Variants in PCNX2 observed in about 807,000 individuals in gnomAD.
PCNX2 encodes pecanex-like protein 2.
PCNX2 carries 168 observed loss-of-function variants against 223.8 expected under a neutral mutation model. The ratio of observed to expected loss-of-function variants is 0.75; its 90% CI spans 0.66 to 0.85. The LOEUF is 0.85. Among genes scored for constraint, PCNX2 ranks in the 40% least tolerant of loss-of-function variants. PCNX2 has a pLI of 0.00. For synonymous variants in PCNX2, 1,006 were observed against 1,052.6 expected, an observed-to-expected ratio of 0.96 and a Z score of 0.86; for missense variants, 2,507 against 2,675.5, an observed-to-expected ratio of 0.94 and a Z score of 1.39.
At chr1:233,004,702 G>A (rs368397075) in intron 28 of PCNX2, among the ~76,000 whole-genome samples, 2 of 152,140 alleles carry the variant, frequency 1.3e-5, no homozygotes, top group East Asian at 1.9e-4. Flanking sequence ...TCAACACAGC[G>A]CATTAGACCT....
At chr1:233,283,971 G>A (rs1291061865) in intron 1 of PCNX2, among the ~76,000 whole-genome samples, 2 of 152,184 alleles carry the variant, frequency 1.3e-5, no homozygotes, top group Non-Finnish European at 2.9e-5. Flanking sequence ...GGGTTGGGGA[G>A]AGGTGGGAGA....
At chr1:233,257,354 A>G (rs1208403094) in intron 5 of PCNX2, among the ~76,000 whole-genome samples, 2 of 152,186 alleles carry the variant, frequency 1.3e-5, no homozygotes, top group African/African-American at 4.8e-5. Context: ...TATAAGGAGT[A>G]AGTGAGTTAA....
chr1:233,133,419 G>A (rs1676620482), intron 21 of PCNX2, among the ~76,000 whole-genome samples: 1 of 152,156 alleles, frequency 6.6e-6, no homozygotes, highest in Non-Finnish European at 1.5e-5. Flanking sequence ...TCAGCAAACA[G>A]GAAATAAATG....
In PCNX2 at chr1:233,022,145, G is replaced by A. The variant is rs111983439; in HGVS notation, c.4605+3001C>T. Among the ~76,000 whole-genome samples the A allele has an allele frequency of 6.6e-3, 1,009 of 152,226 alleles. 15 individuals carry two copies. Among genetic ancestry groups the A allele is most frequent in the African/African-American group, 0.021 (870 of 41,544 alleles). On this transcript the variant is annotated intron_variant, in intron 26 of 33. Coordinates refer to ENST00000258229, the MANE Select transcript of PCNX2 (RefSeq NM_014801.4). Reference sequence around the variant, plus strand: ...CATGGAAAGGCAGGGATGTGGCTCAGTATTGAACCCCAGTCCCACTACTCG... The same window carrying A: ...CATGGAAAGGCAGGGATGTGGCTCAATATTGAACCCCAGTCCCACTACTCG...
intron 25 of PCNX2, among the ~76,000 whole-genome samples, chr1:233,046,368 C>T (rs910520230): frequency 4.6e-5 from 7 of 152,112 alleles, no homozygotes; most frequent in Non-Finnish European, 8.8e-5. Context: ...TAAAACAGAC[C>T]TTCCCTAGGA....
At chr1:233,197,385 A>C (rs1680798246) in intron 15 of PCNX2, among the ~76,000 whole-genome samples, 1 of 152,186 alleles carries the variant, frequency 6.6e-6, no homozygotes, top group African/African-American at 2.4e-5. Flanking sequence ...AGACAGTGGA[A>C]AGATGTTCTC....
intron 33 of PCNX2, 137 bp from the exon 34 acceptor site, chr1:232,984,614 G>A: frequency 2.1e-6 from 2 of 970,398 alleles, no homozygotes; most frequent in South Asian, 3.4e-5. Flanking sequence ...TCTAAAGTCA[G>A]GTCAAATGAT....
At chr1:233,030,372 T>G (rs182916946) in intron 25 of PCNX2, among the ~76,000 whole-genome samples, 1 of 152,308 alleles carries the variant, frequency 6.6e-6, no homozygotes, top group Non-Finnish European at 1.5e-5. Context: ...TGGAAACTTT[T>G]TTCTATTAAC....
At chr1:233,235,114 G>A (rs1005710533) in intron 9 of PCNX2, among the ~76,000 whole-genome samples, 2 of 152,030 alleles carry the variant, frequency 1.3e-5, no homozygotes, top group African/African-American at 4.8e-5. Flanking sequence ...TCCACCCACA[G>A]GTTTAGGAAT....
rs763127181 is a variant in PCNX2, at chr1:233,236,945, GA to G, written c.2257del (p.Ser753LeufsTer22). ...MQVSSSSTTTSESQDPSSGDP... is the reference protein window; with the variant it reads ...MQVSSSSTTTXESQDPSSGDP... ...CCCAGAAGACGGATCTTGACTCTCAGAAGTTGTGGTACTGGAGGAGCTGACC... is the reference window on the plus strand; with the variant it reads ...CCCAGAAGACGGATCTTGACTCTCAGAGTTGTGGTACTGGAGGAGCTGACC... On this transcript the variant is annotated frameshift_variant, in exon 9 of 34. Transcript: ENST00000258229. LOFTEE classifies it high-confidence loss of function. The G allele has an allele frequency of 1.2e-6, 2 of 1,613,874 alleles. No homozygotes were observed. The highest frequency in any genetic ancestry group is 2.7e-5 in the African/African-American group (2 of 74,928).
At chr1:233,210,238 T>C (rs1416934190) in intron 12 of PCNX2, among the ~76,000 whole-genome samples, 2 of 152,112 alleles carry the variant, frequency 1.3e-5, no homozygotes, top group East Asian at 3.9e-4. Flanking sequence ...ATGTTTTGGG[T>C]CCCCAAACCA....
intron 21 of PCNX2, among the ~76,000 whole-genome samples, chr1:233,130,523 T>C (rs1175495504): frequency 2.7e-5 from 4 of 149,788 alleles, no homozygotes; most frequent in Non-Finnish European, 5.9e-5. Flanking sequence ...CTTGCCTTGT[T>C]GCCCAGGCTG....
At chr1:233,068,079 A>G (rs1338546635) in intron 23 of PCNX2, among the ~76,000 whole-genome samples, 1 of 150,676 alleles carries the variant, frequency 6.6e-6, no homozygotes, top group Non-Finnish European at 1.5e-5. Flanking sequence ...CAAGAAAGAA[A>G]CACCTTATCT....
chr1:233,326,200 T>C, the PCNX2 span, among the ~76,000 whole-genome samples: 15,549 of 152,282 alleles, frequency 0.1, 898 homozygotes, highest in African/African-American at 0.13. Context: ...CTTGTATATA[T>C]ATGCACTGGG....
intron 17 of PCNX2, among the ~76,000 whole-genome samples, chr1:233,175,057 G>A (rs1240813526): frequency 6.6e-6 from 1 of 152,118 alleles, no homozygotes; most frequent in Non-Finnish European, 1.5e-5. Context: ...GAAATCTAAT[G>A]AGGCTCCCTG....
At chr1:233,026,845 A>G (rs1558172882) in intron 25 of PCNX2, among the ~76,000 whole-genome samples, 1 of 152,204 alleles carries the variant, frequency 6.6e-6, no homozygotes, top group Non-Finnish European at 1.5e-5. Flanking sequence ...TAAGTGCCTA[A>G]TATATCAAAA....
chr1:233,210,522 A>G (rs1215164466), intron 12 of PCNX2: 7 of 911,164 alleles, frequency 7.7e-6, no homozygotes, highest in Non-Finnish European at 9.2e-6. Flanking sequence ...CAGGTGATCC[A>G]CCCGACTTGG....
chr1:233,127,790 C>T (rs777675757), intron 21 of PCNX2, among the ~76,000 whole-genome samples: 17 of 152,210 alleles, frequency 1.1e-4, no homozygotes, highest in Non-Finnish European at 2.4e-4. Flanking sequence ...CAGAACAGTT[C>T]CTGGCCCACA....
the PCNX2 span, among the ~76,000 whole-genome samples, chr1:233,302,868 G>C: frequency 6.6e-6 from 1 of 152,098 alleles, no homozygotes; most frequent in South Asian, 2.1e-4. Flanking sequence ...TAATTCCAGA[G>C]AACATACTCT....
Sources: allele counts gnomAD v4.1 joint callset (sites outside exome capture counted in the v4.1 genomes callset), GRCh38; gene constraint gnomAD v4.1.1; transcripts MANE v1.5; gene names NCBI Gene and HGNC (gene_info 2026-07-23, HGNC 2026-07-21).